Variants in NFASC observed in about 807,000 individuals in gnomAD.
The protein encoded by NFASC is neurofascin, also known as neurofascin homolog.
In NFASC, 43 loss-of-function variants were observed where a neutral mutation model predicts 147.5. The observed-to-expected ratio is 0.29, with a 90% CI of 0.23 to 0.38. The LOEUF is 0.38. Ranked by LOEUF, NFASC falls within the 10% of genes least tolerant of loss-of-function variation. The pLI is 1.00. For synonymous variants in NFASC, 622 were observed against 665.5 expected (o/e 0.93, Z 1.01); for missense variants, 1,320 against 1,689.0 (o/e 0.78, Z 3.83).
chr1:204,984,194 C>A, intron 21 of NFASC: 1 of 1,217,316 alleles, frequency 8.2e-7, no homozygotes, highest in Non-Finnish European at 1.2e-6. Context: ...CTAACCAGGG[C>A]CAGGGGTAGC....
At chr1:204,911,159 T>A (rs1228143644) in intron 1 of NFASC, among the ~76,000 whole-genome samples, 1 of 152,242 alleles carries the variant, frequency 6.6e-6, no homozygotes, top group Non-Finnish European at 1.5e-5. Flanking sequence ...AATGAGTGTC[T>A]AATTTTGTCA....
chr1:204,986,588 G>A lies in NFASC; in HGVS notation c.2471-830G>A, dbSNP rs16854881. 15,548 of 179,760 alleles carry A rather than the reference G, an allele frequency of 0.086. 918 individuals carry two copies. Among genetic ancestry groups the A allele is most frequent in the African/African-American group, 0.18 (7,528 of 42,880 alleles). The allele number at this position is 179,760 out of a possible 1,614,324, so 11.1% of individuals were successfully genotyped here. On this transcript the variant is annotated intron_variant, in intron 21 of 29. Transcript: ENST00000339876. This position sits in a 1 kb window ranked among gnomAD's most constrained non-coding sequence, Gnocchi z 4.2. ...CAGAGGGATACCCAAGTATAGCCCC[G>A]CCTTCTGCAGGCCTATGGTTTCACA...
chr1:204,904,348 T>C (rs1003172266), intron 1 of NFASC, among the ~76,000 whole-genome samples: 2 of 152,212 alleles, frequency 1.3e-5, no homozygotes, highest in Non-Finnish European at 2.9e-5. Flanking sequence ...TCCACCCGTC[T>C]TGGTCTCCTA....
chr1:204,836,289 G>A (rs542389723), intron 1 of NFASC, among the ~76,000 whole-genome samples: 3 of 152,250 alleles, frequency 2.0e-5, no homozygotes, highest in East Asian at 3.9e-4. Flanking sequence ...TTGTTCAAAG[G>A]TGGAAGAATC....
At chr1:204,857,722 A>G (rs113012325) in intron 1 of NFASC, among the ~76,000 whole-genome samples, 2 of 152,256 alleles carry the variant, frequency 1.3e-5, no homozygotes, top group African/African-American at 4.8e-5. Flanking sequence ...AAAACAAAGT[A>G]CCACAACCCT....
rs754444272 is a variant in NFASC at position 204,979,505 on chromosome 1, G to A, written c.2122G>A (p.Val708Ile). ...YQFRVIAINE[V>I]GSSHPSLPSE... ...GTTCCGTGTCATTGCCATCAACGAG[G>A]TTGGGAGCAGCCACCCCAGCCTCCC... The change falls in exon 19 of 30, where the codon GTT becomes ATT. Residue 708 changes from valine (V) to isoleucine (I), a missense_variant. Physicochemically the swap from Val to Ile is conservative, Grantham distance 29 (BLOSUM62 3). Transcript: ENST00000339876. This position sits in a 1 kb window ranked among gnomAD's most constrained non-coding sequence, Gnocchi z 6.0. 66 of 1,613,652 alleles carry A rather than the reference G, an allele frequency of 4.1e-5. No homozygotes were observed. Among genetic ancestry groups the A allele is most frequent in the Non-Finnish European group, 5.3e-5 (62 of 1,180,048 alleles).
rs764460324 is a variant in NFASC, at chr1:204,877,964, G to T, written c.-199-42668G>T. ...GTTTCAAACACTGCAGCCCTTGATG[G>T]GTACTTCCGGACCCAGGCTTCCCAG... On this transcript the variant is annotated intron_variant, in intron 1 of 29. Transcript: ENST00000339876. Among the ~76,000 whole-genome samples, 96 of 152,260 alleles carry T rather than the reference G, an allele frequency of 6.3e-4. 1 individual carries two copies. Among genetic ancestry groups the T allele is most frequent in the Non-Finnish European group, 1.3e-3 (90 of 68,016 alleles).
intron 1 of NFASC, among the ~76,000 whole-genome samples, chr1:204,862,025 T>G (rs1396343365): frequency 6.6e-6 from 1 of 152,234 alleles, no homozygotes; most frequent in African/African-American, 2.4e-5. Flanking sequence ...CTCATACATG[T>G]GCTGTCCTCT....
At chr1:204,951,532 G>A (rs547212456) in intron 4 of NFASC, among the ~76,000 whole-genome samples, 12 of 144,594 alleles carry the variant, frequency 8.3e-5, no homozygotes, top group East Asian at 2.1e-4. Context: ...GCGGTGGTGC[G>A]ATCTCGGCTC....
chr1:204,922,331 G>A (rs1195411023), intron 2 of NFASC, among the ~76,000 whole-genome samples: 1 of 152,296 alleles, frequency 6.6e-6, no homozygotes, highest in South Asian at 2.1e-4. Flanking sequence ...CTCACTGTCC[G>A]ACAGCAGATA....
At chr1:204,868,640 G>C (rs1192540589) in intron 1 of NFASC, among the ~76,000 whole-genome samples, 1 of 152,178 alleles carries the variant, frequency 6.6e-6, no homozygotes, top group Non-Finnish European at 1.5e-5. Flanking sequence ...GAGATGGGCT[G>C]GGCAGGTGTG....
At chr1:204,946,595 G>C (rs1368466900) in intron 3 of NFASC, 3 of 467,628 alleles carry the variant, frequency 6.4e-6, no homozygotes, top group African/African-American at 3.9e-5. Flanking sequence ...AAGATGACAG[G>C]GGATGAGGGG....
chr1:204,953,868 G>A (rs370402365), intron 5 of NFASC, among the ~76,000 whole-genome samples: 36 of 152,274 alleles, frequency 2.4e-4, no homozygotes, highest in African/African-American at 7.0e-4. Context: ...CCTCAATAAC[G>A]TGTTTAACAT....
intron 11 of NFASC, 152 bp downstream of exon 11, chr1:204,970,899 C>A: frequency 1.1e-6 from 1 of 928,930 alleles, no homozygotes; most frequent in Non-Finnish European, 1.6e-6. Flanking sequence ...TCTCTTCAGA[C>A]ATCTCAAGAG....
At chr1:204,929,560 C>G (rs984872419) in intron 2 of NFASC, 1 of 152,410 alleles carries the variant, frequency 6.6e-6, no homozygotes, top group African/African-American at 2.4e-5. Context: ...TAGTTACTGC[C>G]TCTTCTAAAA....
intron 8 of NFASC, among the ~76,000 whole-genome samples, chr1:204,958,642 G>A (rs779823509): frequency 1.3e-5 from 2 of 152,162 alleles, no homozygotes; most frequent in African/African-American, 2.4e-5. Flanking sequence ...TTTGTAACAC[G>A]CCTTCCATAA....
At chr1:204,844,875 T>G (rs1198728921) in intron 1 of NFASC, among the ~76,000 whole-genome samples, 2 of 152,174 alleles carry the variant, frequency 1.3e-5, no homozygotes, top group Non-Finnish European at 2.9e-5. Flanking sequence ...TTTGTTGTGC[T>G]TATCTGGGAG....
intron 1 of NFASC, among the ~76,000 whole-genome samples, chr1:204,871,253 G>A (rs1482466745): frequency 6.6e-6 from 1 of 152,226 alleles, no homozygotes; most frequent in Non-Finnish European, 1.5e-5. Context: ...TGGATTGGTT[G>A]GGGTTAAGAT....
intron 1 of NFASC, among the ~76,000 whole-genome samples, chr1:204,876,139 A>G (rs1057312467): frequency 1.3e-5 from 2 of 152,160 alleles, no homozygotes; most frequent in African/African-American, 2.4e-5. Context: ...CAACTTTGAA[A>G]ATCAACTGTA....
Sources: gnomAD v4.1 joint callset for allele counts (sites outside exome capture counted in the v4.1 genomes callset) on GRCh38, gnomAD v4.1.1 for gene constraint, Gnocchi (gnomAD v3.1) non-coding constraint, MANE v1.5 for transcripts, NCBI Gene and HGNC (gene_info 2026-07-23, HGNC 2026-07-21) for gene names.